Variants in ZBTB40 observed in about 807,000 individuals in gnomAD.
The protein encoded by ZBTB40 is zinc finger and BTB domain-containing protein 40.
ZBTB40 carries 60 observed loss-of-function variants against 117.5 expected under a neutral mutation model. That is an observed-to-expected ratio of 0.51 (90% CI 0.41 to 0.63). ZBTB40 has a LOEUF of 0.63. Among genes scored for constraint, ZBTB40 ranks in the 30% least tolerant of loss-of-function variants. The probability of loss-of-function intolerance (pLI) is 0.00; values close to 1 mark genes in which losing one functional copy is unlikely to be tolerated. For synonymous variants in ZBTB40, 525 were observed against 577.1 expected, an observed-to-expected ratio of 0.91 and a Z score of 1.29; for missense variants, 1,287 against 1,498.5, an observed-to-expected ratio of 0.86 and a Z score of 2.33.
chr1:22,470,907 T>C (rs1338107186), intron 1 of ZBTB40, among the ~76,000 whole-genome samples: 1 of 152,254 alleles, frequency 6.6e-6, no homozygotes, highest in African/African-American at 2.4e-5. Flanking sequence ...CTTCCTTTGC[T>C]GTCTTCTATG....
intron 11 of ZBTB40, 79 bp from the exon 12 acceptor site, chr1:22,512,845 G>A: frequency 2.6e-6 from 4 of 1,528,926 alleles, no homozygotes. Flanking sequence ...CTGAGACAGT[G>A]CTCTTGGTAT....
intron 3 of ZBTB40, among the ~76,000 whole-genome samples, chr1:22,493,770 G>GT (rs1638697456): frequency 1.3e-5 from 2 of 148,586 alleles, no homozygotes; most frequent in Non-Finnish European, 3.0e-5. Context: ...TTCATTGAGC[G>GT]TAAGTATCTT....
At chr1:22,491,306 G>A in intron 2 of ZBTB40, 94 bp from the exon 3 acceptor site, 4 of 1,285,300 alleles carry the variant, frequency 3.1e-6, no homozygotes, top group Non-Finnish European at 4.5e-6. Flanking sequence ...GTTAAGTGCA[G>A]TATATGACCT....
intron 1 of ZBTB40, among the ~76,000 whole-genome samples, chr1:22,437,702 G>C (rs1372239808): frequency 6.6e-6 from 1 of 152,020 alleles, no homozygotes; most frequent in Non-Finnish European, 1.5e-5. Flanking sequence ...TTACAGGCGT[G>C]AGCCACTGTT....
At position 22,513,174 on chromosome 1, in the gene ZBTB40, G is replaced by A. The variant is rs766243092; in HGVS notation, c.2668+44G>A. ...CATTTCTCCTGCAGACTTTCACTGC[G>A]AACTGCCTAAACCCCATTTGGATTA... is the stretch of plus-strand genomic sequence containing the variant. On this transcript the variant is annotated intron_variant, in intron 12 of 17. Transcript: ENST00000375647. The surrounding 1 kb of genome is among the most constrained non-coding windows in gnomAD (Gnocchi z 4.9). 20 of 1,592,202 alleles carry A rather than the reference G, an allele frequency of 1.3e-5. No homozygotes were observed. The highest frequency in any genetic ancestry group is 4.0e-5 in the African/African-American group (3 of 74,504).
intron 1 of ZBTB40, among the ~76,000 whole-genome samples, chr1:22,469,945 C>T (rs1401354482): frequency 6.6e-6 from 1 of 152,112 alleles, no homozygotes; most frequent in Admixed American, 6.5e-5. Flanking sequence ...GCTGAAAGAG[C>T]CATCAGTGGT....
intron 2 of ZBTB40, among the ~76,000 whole-genome samples, 185 bp downstream of exon 2, chr1:22,490,830 TAC>T (rs1287221206): frequency 6.6e-6 from 1 of 152,232 alleles, no homozygotes; most frequent in Non-Finnish European, 1.5e-5. Context: ...AAACATGAAC[TAC>T]AGAGCAGAAA....
chr1:22,526,734 G>C lies in ZBTB40; in HGVS notation c.*338G>C, dbSNP rs1639689777. ...GCAGTGGGATGGGAGCTGGTGACCA[G>C]GGTACCCCAGGAGGCATGATGTGCC... On this transcript the variant is annotated 3_prime_UTR_variant, in exon 18 of 18. Coordinates refer to ENST00000375647, the MANE Select transcript of ZBTB40 (RefSeq NM_014870.4). The C allele has an allele frequency of 5.6e-6, 2 of 360,064 alleles. No individual in the cohort carries two copies. Among genetic ancestry groups the C allele is most frequent in the South Asian group, 2.2e-5 (1 of 45,102 alleles). 22.3% of individuals were successfully genotyped at this position (360,064 alleles called of 1,614,324 possible).
At position 22,511,668 on chromosome 1, in the gene ZBTB40, T is replaced by C. The variant is rs989863345; in HGVS notation, c.2003-8T>C. The C allele has an allele frequency of 1.9e-6, 3 of 1,611,098 alleles. No individual in the cohort carries two copies. The highest frequency in any genetic ancestry group is 2.7e-5 in the African/African-American group (2 of 74,648). On this transcript the variant is annotated splice_region_variant and splice_polypyrimidine_tract_variant and intron_variant, in intron 10 of 17. Coordinates refer to ENST00000375647, the MANE Select transcript of ZBTB40 (RefSeq NM_014870.4). ...TTCGCAGAGCCACGAGATGTCTCTT[T>C]TATGCAGGTGTCCTTACTAAGGAAG...
intron 17 of ZBTB40, 50 bp downstream of exon 17, chr1:22,524,494 A>G: frequency 6.3e-7 from 1 of 1,582,524 alleles, no homozygotes; most frequent in Non-Finnish European, 8.6e-7. Flanking sequence ...ATGGTTCCTA[A>G]GGCTTCTCTA....
At chr1:22,503,611 G>GCA (rs34221585) in intron 5 of ZBTB40, among the ~76,000 whole-genome samples, 52,648 of 150,060 alleles carry the variant, frequency 0.35, 9,324 homozygotes, top group East Asian at 0.44. Context: ...ATGTGCGCAC[G>GCA]CACACACACA....
In ZBTB40 at chr1:22,521,590, G is replaced by A. The variant is rs766079449; in HGVS notation, c.3143G>A (p.Cys1048Tyr). Residue 1048 changes from cysteine to tyrosine, a missense_variant, in exon 15 of 18, where the codon TGC becomes TAC. Transcript: ENST00000375647. ...HRSSKFSSLQCSSCDKTFPNT... is the reference protein window; with the variant it reads ...HRSSKFSSLQYSSCDKTFPNT... Reference sequence around the variant, plus strand: ...TCTTCCAAGTTCTCATCACTCCAGTGCAGCTCCTGTGACAAAACCTTCCCC... The same window carrying A: ...TCTTCCAAGTTCTCATCACTCCAGTACAGCTCCTGTGACAAAACCTTCCCC... The A allele has an allele frequency of 2.5e-6, 4 of 1,614,184 alleles. No homozygotes were observed. Among genetic ancestry groups the A allele is most frequent in the South Asian group, 1.1e-5 (1 of 91,078 alleles).
At position 22,453,266 on chromosome 1, in the gene ZBTB40, A is replaced by T. The variant is rs540448359; in HGVS notation, c.-70+1262A>T. On this transcript the variant is annotated intron_variant, in intron 1 of 17. Transcript: ENST00000375647. ...TTTCTAATATAAACACTTTTCTTCT[A>T]TGTCAGTAGTCCCCAAACTTAGCTA... is the stretch of plus-strand genomic sequence containing the variant. 3.9e-5 allele frequency among the ~76,000 whole-genome samples: 6 copies of T among 152,286 alleles called. No homozygotes were observed. The South Asian group carries it at 1.2e-3, about 32-fold the overall frequency.
At position 22,506,271 on chromosome 1, in the gene ZBTB40, G is replaced by A. The variant is rs199800165; in HGVS notation, c.1360+30G>A. ...TAGTAAATTGTTGACTCTCTGGACT[G>A]GAACCACTCTTCCAGAAAATTGTAG... On this transcript the variant is annotated intron_variant, in intron 6 of 17. Coordinates refer to ENST00000375647, the MANE Select transcript of ZBTB40 (RefSeq NM_014870.4). 6.8e-6 allele frequency: 11 copies of A among 1,609,808 alleles called. No individual in the cohort carries two copies. In the African/African-American group the frequency reaches 1.5e-4, roughly 21 times the overall value.
intron 1 of ZBTB40, among the ~76,000 whole-genome samples, chr1:22,446,805 A>AG (rs77964656): frequency 1.3e-5 from 2 of 151,360 alleles, no homozygotes; most frequent in Non-Finnish European, 2.9e-5. Context: ...AGAGGAGGAA[A>AG]ATTATATAGG....
chr1:22,449,091 G>A (rs1049126919), upstream of ZBTB40, among the ~76,000 whole-genome samples: 2 of 152,122 alleles, frequency 1.3e-5, no homozygotes, highest in Non-Finnish European at 2.9e-5. Context: ...TGGGATTACA[G>A]GTGTGAGCCA....
Position 22,513,245 on chromosome 1 carries a change from G to A in ZBTB40, c.2668+115G>A. 1 of 1,144,720 alleles carries A rather than the reference G, an allele frequency of 8.7e-7. No homozygotes were observed. The highest frequency in any genetic ancestry group is 1.3e-6 in the Non-Finnish European group (1 of 788,482). The allele number at this position is 1,144,720 out of a possible 1,614,324, so 70.9% of individuals were successfully genotyped here. On this transcript the variant is annotated intron_variant, in intron 12 of 17. Coordinates refer to ENST00000375647, the MANE Select transcript of ZBTB40 (RefSeq NM_014870.4). This position sits in a 1 kb window ranked among gnomAD's most constrained non-coding sequence, Gnocchi z 4.9. ...AACAAAACAATTTGATAGCACAACA[G>A]GGTGACTAAAGTCAATAATAACTTA...
At chr1:22,468,958 C>T (rs115900072) in intron 1 of ZBTB40, among the ~76,000 whole-genome samples, 2,177 of 152,134 alleles carry the variant, frequency 0.014, 50 homozygotes, top group African/African-American at 0.049. Flanking sequence ...ACCTGAACAG[C>T]GAGGACTACA....
intron 8 of ZBTB40, 68 bp from the exon 9 acceptor site, chr1:22,509,032 A>G (rs1639155570): frequency 6.2e-7 from 1 of 1,612,648 alleles, no homozygotes; most frequent in African/African-American, 1.3e-5. Flanking sequence ...AGTTGAGTGG[A>G]GGAAGGGTGT....
Sources: allele counts gnomAD v4.1 joint callset (sites outside exome capture counted in the v4.1 genomes callset), GRCh38; gene constraint gnomAD v4.1.1; non-coding constraint Gnocchi (gnomAD v3.1); transcripts MANE v1.5; gene names NCBI Gene and HGNC (gene_info 2026-07-23, HGNC 2026-07-21).